Variants in HTR2B observed in about 807,000 individuals in gnomAD.
The protein encoded by HTR2B is 5-hydroxytryptamine receptor 2B.
In HTR2B, 31 loss-of-function variants were observed where a neutral mutation model predicts 39.8. The observed-to-expected ratio is 0.78, with a 90% confidence interval of 0.58 to 1.05. The LOEUF (loss-of-function observed/expected upper bound fraction) is 1.05. HTR2B is among the 50% of genes least tolerant of loss of function. The pLI, the probability that HTR2B is intolerant of heterozygous loss-of-function variation, is 0.00. For synonymous variants in HTR2B, 210 were observed against 207.1 expected (o/e 1.01, Z -0.12); for missense variants, 562 against 578.0 (o/e 0.97, Z 0.28).
At position 231,123,518 on chromosome 2, in the gene HTR2B, T is replaced by C. The variant is rs1187167769; in HGVS notation, c.247A>G (p.Lys83Glu). ...TAATTAGTAGCATACTGCAGCTTCT[T>C]CTCCAGTGAAACAGCCAGAATAACA... Reference protein sequence around the residue: ...TLVILAVSLEKKLQYATNYFL... With the variant: ...TLVILAVSLEEKLQYATNYFL... The change falls in exon 2 of 4, where the codon AAG becomes GAG. Residue 83 changes from lysine to glutamate, a missense_variant. Physicochemically the swap from Lys to Glu is moderately conservative, Grantham distance 56 (BLOSUM62 1). Coordinates refer to ENST00000258400, the MANE Select transcript of HTR2B (RefSeq NM_000867.5). 6.2e-7 allele frequency: 1 copy of C among 1,613,944 alleles called. No homozygotes were observed. The highest frequency in any genetic ancestry group is 1.1e-5 in the South Asian group (1 of 91,078).
rs1312847374 is a variant in HTR2B at position 231,123,558 on chromosome 2, A to G, written c.207T>C (p.Ile69=). The change falls in exon 2 of 4, where the codon ATT becomes ATC. Residue 69 remains isoleucine (I), a synonymous_variant. Transcript: ENST00000258400. The part of the protein sequence containing the change: ...LLILMVIIPT[I]GGNTLVILAV... ...CCAGAATAACAAGGGTATTTCCACCAATTGTGGGTATTATCACCATGAGTA... is the reference window on the plus strand; with the variant it reads ...CCAGAATAACAAGGGTATTTCCACCGATTGTGGGTATTATCACCATGAGTA... The G allele has an allele frequency of 6.2e-7, 1 of 1,614,124 alleles. No individual in the cohort carries two copies. The highest frequency in any genetic ancestry group is 1.1e-5 in the South Asian group (1 of 91,084).
Position 231,124,047 on chromosome 2 carries a change from T to G in HTR2B, c.-283A>C, listed in dbSNP as rs1203022811. 4 of 345,106 alleles carry G rather than the reference T, an allele frequency of 1.2e-5. No individual in the cohort carries two copies. In the East Asian group the frequency reaches 2.5e-4, roughly 21 times the overall value. The allele number at this position is 345,106 out of a possible 1,614,324, so 21.4% of individuals were successfully genotyped here. ...TGATAGCTGTGAAAAAAATAGGATA[T>G]ATATATATTTTTAGTTTCTCTCTCT... On this transcript the variant is annotated 5_prime_UTR_variant, in exon 2 of 4. Coordinates refer to ENST00000258400, the MANE Select transcript of HTR2B (RefSeq NM_000867.5).
rs1246427810 is a variant in HTR2B at position 231,113,677 on chromosome 2, A to G, written c.553+52T>C. 1.2e-5 allele frequency: 19 copies of G among 1,524,734 alleles called. No homozygotes were observed. The South Asian group carries it at 1.7e-4, about 14-fold the overall frequency. The allele number at this position is 1,524,734 out of a possible 1,614,324, so 94.5% of individuals were successfully genotyped here. On this transcript the variant is annotated intron_variant, in intron 3 of 3. Coordinates refer to ENST00000258400, the MANE Select transcript of HTR2B (RefSeq NM_000867.5). ...ACCAGACCTGGTATTCTCCTAGCCA[A>G]GTGGAACCAAAGATTTTGTATACCA...
At chr2:231,120,143 G>A (rs758526265) in intron 2 of HTR2B, among the ~76,000 whole-genome samples, 1 of 151,908 alleles carries the variant, frequency 6.6e-6, no homozygotes, top group African/African-American at 2.4e-5. Context: ...GTAGGGACAG[G>A]GTTTCGCCAT....
At chr2:231,114,379 G>A (rs1468667461) in intron 2 of HTR2B, among the ~76,000 whole-genome samples, 1 of 152,186 alleles carries the variant, frequency 6.6e-6, no homozygotes, top group Admixed American at 6.5e-5. Context: ...GGGAGTCTCT[G>A]TGACACCTGG....
intron 2 of HTR2B, among the ~76,000 whole-genome samples, chr2:231,122,311 A>T (rs1695573598): frequency 6.6e-6 from 1 of 152,156 alleles, no homozygotes; most frequent in Non-Finnish European, 1.5e-5. Flanking sequence ...TCTTTCTGTT[A>T]TTACTTATAA....
At chr2:231,120,152 A>G (rs1017972201) in intron 2 of HTR2B, among the ~76,000 whole-genome samples, 4 of 152,074 alleles carry the variant, frequency 2.6e-5, no homozygotes, top group Non-Finnish European at 5.9e-5. Flanking sequence ...GGGTTTCGCC[A>G]TCTTGGCCAG....
Position 231,109,560 on chromosome 2 carries a change from C to T in HTR2B, c.554-151G>A, listed in dbSNP as rs569925656. On this transcript the variant is annotated intron_variant, in intron 3 of 3. Coordinates refer to ENST00000258400, the MANE Select transcript of HTR2B (RefSeq NM_000867.5). ...ATGCAGGATTTGTCGAAGCATTCAT[C>T]AGTGAAGATTTGACAAACAGAACCT... 1.0e-5 allele frequency: 7 copies of T among 690,394 alleles called. No individual in the cohort carries two copies. The East Asian group carries it at 1.9e-4, about 19-fold the overall frequency. 42.8% of individuals were successfully genotyped at this position (690,394 alleles called of 1,614,324 possible). A position where few individuals can be genotyped will look rare whatever the true frequency, so the allele number is the denominator to read the frequency against.
At chr2:231,123,073 T>C (rs1695601337) in intron 2 of HTR2B, among the ~76,000 whole-genome samples, 1 of 152,194 alleles carries the variant, frequency 6.6e-6, no homozygotes, top group South Asian at 2.1e-4. Context: ...GGAAAAAAAG[T>C]ATCAGTGTAG....
At chr2:231,114,139 G>T (rs973806243) in intron 2 of HTR2B, among the ~76,000 whole-genome samples, 1 of 152,134 alleles carries the variant, frequency 6.6e-6, no homozygotes, top group Admixed American at 6.5e-5. Flanking sequence ...TTTCTATTTT[G>T]CATAATAATT....
In HTR2B at chr2:231,123,608, T is replaced by C. The variant is rs754864534; in HGVS notation, c.157A>G (p.Lys53Glu). The change falls in exon 2 of 4, where the codon AAA (lysine) becomes GAA (glutamate). Residue 53 changes from lysine to glutamate, a missense_variant. Coordinates refer to ENST00000258400, the MANE Select transcript of HTR2B (RefSeq NM_000867.5). Reference sequence around the variant, plus strand: ...ATCAGAAGAGCTGCCCAGTGCAGTTTATTTCCCTGTTCCTCAACAATCTGT... The same window carrying C: ...ATCAGAAGAGCTGCCCAGTGCAGTTCATTTCCCTGTTCCTCAACAATCTGT... ...MKQIVEEQGN[K>E]LHWAALLILM... is the part of the protein sequence containing the mutation. 7 of 1,614,164 alleles carry C rather than the reference T, an allele frequency of 4.3e-6. No homozygotes were observed. Among genetic ancestry groups the C allele is most frequent in the Non-Finnish European group, 2.5e-6 (3 of 1,179,996 alleles).
chr2:231,108,344 T>C lies in HTR2B; in HGVS notation c.*173A>G. ...TAGCTATATAAAATTATTTTCCTCA[T>C]GGAATAATCTTGTCCAAATTAGGAA... is the stretch of plus-strand genomic sequence containing the variant. On this transcript the variant is annotated 3_prime_UTR_variant, in exon 4 of 4. Coordinates refer to ENST00000258400, the MANE Select transcript of HTR2B (RefSeq NM_000867.5). 2 of 572,680 alleles carry C rather than the reference T, an allele frequency of 3.5e-6. No individual in the cohort carries two copies. Among genetic ancestry groups the C allele is most frequent in the Non-Finnish European group, 6.1e-6 (2 of 328,678 alleles). 35.5% of individuals were successfully genotyped at this position (572,680 alleles called of 1,614,324 possible).
intron 2 of HTR2B, among the ~76,000 whole-genome samples, chr2:231,119,129 G>A (rs1695445057): frequency 6.6e-6 from 1 of 152,136 alleles, no homozygotes; most frequent in African/African-American, 2.4e-5. Flanking sequence ...AATGCTTACA[G>A]AATTTTTTCC....
chr2:231,119,850 A>G (rs1193076002), intron 2 of HTR2B, among the ~76,000 whole-genome samples: 2 of 141,512 alleles, frequency 1.4e-5, no homozygotes, highest in Non-Finnish European at 3.0e-5. Flanking sequence ...AGTCTGGGCA[A>G]CAGAACGAGA....
intron 2 of HTR2B, among the ~76,000 whole-genome samples, chr2:231,118,028 A>G (rs1695403152): frequency 6.6e-6 from 1 of 152,094 alleles, no homozygotes; most frequent in Non-Finnish European, 1.5e-5. Flanking sequence ...TTCTAGAATC[A>G]GTCCTCCTGG....
intron 1 of HTR2B, among the ~76,000 whole-genome samples, chr2:231,124,440 AC>A (rs1011630005): frequency 6.6e-6 from 1 of 152,126 alleles, no homozygotes; most frequent in African/African-American, 2.4e-5. Flanking sequence ...TGCGCTGGCC[AC>A]CCACCTAGAA....
rs7580967 is a variant in HTR2B, at chr2:231,123,386, A to C, written c.352+27T>G. On this transcript the variant is annotated intron_variant, in intron 2 of 3. Coordinates refer to ENST00000258400, the MANE Select transcript of HTR2B (RefSeq NM_000867.5). ...TAGTATATCATAGTTCTGTGGTTTG[A>C]TGGCACAAACAAAGTGAAATACTTA... 1,306 of 1,496,830 alleles carry C rather than the reference A, an allele frequency of 8.7e-4. 13 individuals are homozygous for C. The African/African-American group carries it at 0.017, about 19-fold the overall frequency. 92.7% of individuals were successfully genotyped at this position (1,496,830 alleles called of 1,614,324 possible). A position where few individuals can be genotyped will look rare whatever the true frequency, so the allele number is the denominator to read the frequency against.
intron 2 of HTR2B, among the ~76,000 whole-genome samples, chr2:231,115,131 A>G (rs867348907): frequency 5.9e-5 from 9 of 151,984 alleles, no homozygotes; most frequent in Non-Finnish European, 1.2e-4. Context: ...AGACTCTTCT[A>G]TTGTTAACTG....
rs1695035361 is a variant in HTR2B at position 231,108,581 on chromosome 2, A to G, written c.1382T>C (p.Leu461Pro). ...ATTTTCAGTGAGGAGAAGCGTATCT[A>G]GTAGAATGATTGATGAAGACTGAAT... ...STIQSSSIIL[L>P]DTLLLTENEG... The change falls in exon 4 of 4, where the codon CTA becomes CCA. Residue 461 changes from leucine to proline, a missense_variant. Physicochemically the swap from Leu to Pro is moderately conservative, Grantham distance 98 (BLOSUM62 -3). Coordinates refer to ENST00000258400, the MANE Select transcript of HTR2B (RefSeq NM_000867.5). 2 of 1,613,958 alleles carry G rather than the reference A, an allele frequency of 1.2e-6. No individual in the cohort carries two copies. The highest frequency in any genetic ancestry group is 1.7e-6 in the Non-Finnish European group (2 of 1,179,926).
Sources: allele counts gnomAD v4.1 joint callset (sites outside exome capture counted in the v4.1 genomes callset), GRCh38; gene constraint gnomAD v4.1.1; transcripts MANE v1.5; gene names NCBI Gene and HGNC (gene_info 2026-07-23, HGNC 2026-07-21).